SOCS7: variants seen among roughly 807,000 people sequenced by gnomAD.
The protein encoded by SOCS7 is NAP-4.
Under a neutral mutation model 58.9 loss-of-function variants are expected in SOCS7, and 18 were observed. The observed-to-expected ratio is 0.31, with a 90% CI of 0.21 to 0.45. The LOEUF (loss-of-function observed/expected upper bound fraction) is 0.45. Ranked by LOEUF, SOCS7 falls within the 20% of genes least tolerant of loss-of-function variation. The probability of loss-of-function intolerance (pLI) is 1.00; values close to 1 mark genes in which losing one functional copy is unlikely to be tolerated. For synonymous variants in SOCS7, 388 were observed against 364.3 expected (o/e 1.06, Z -0.74); for missense variants, 667 against 837.3 (o/e 0.80, Z 2.51).
chr17:38,365,504 A>C, intron 4 of SOCS7, 95 bp downstream of exon 4: 1 of 752,406 alleles, frequency 1.3e-6, no homozygotes, highest in Non-Finnish European at 2.0e-6. Context: ...TTATGGAAAT[A>C]ACAGCTTAGT....
chr17:38,384,074 C>T (rs1397465245), intron 7 of SOCS7, among the ~76,000 whole-genome samples: 2 of 152,072 alleles, frequency 1.3e-5, no homozygotes. Context: ...CTGCATGACC[C>T]CCTTTAGCAA....
chr17:38,362,173 A>G (rs587699729), intron 2 of SOCS7, among the ~76,000 whole-genome samples: 58 of 152,370 alleles, frequency 3.8e-4, no homozygotes, highest in Non-Finnish European at 7.6e-4. Context: ...CATAAAAATG[A>G]TCCATGATTA....
In SOCS7 at chr17:38,403,348, G is replaced by A. The variant is rs1251934569; in HGVS notation, c.*3866G>A. Reference sequence around the variant, plus strand: ...GTTCCTAGGTCTAGGGGTGAGAGGTGGGAGTAGAACCAGAAGTGCCCTGGA... The same window carrying A: ...GTTCCTAGGTCTAGGGGTGAGAGGTAGGAGTAGAACCAGAAGTGCCCTGGA... On this transcript the variant is annotated 3_prime_UTR_variant, in exon 10 of 10. Transcript: ENST00000612932. 2 of 152,230 alleles carry A rather than the reference G, an allele frequency of 1.3e-5. No homozygotes were observed. The highest frequency in any genetic ancestry group is 2.9e-5 in the Non-Finnish European group (2 of 68,096). The allele number at this position is 152,230 out of a possible 1,614,324, so 9.4% of individuals were successfully genotyped here. A position where few individuals can be genotyped will look rare whatever the true frequency, so the allele number is the denominator to read the frequency against.
chr17:38,381,946 C>CAAAAAAAAAAA (rs55949628), intron 7 of SOCS7, among the ~76,000 whole-genome samples: 1 of 17,668 alleles, frequency 5.7e-5, no homozygotes, highest in African/African-American at 2.0e-4. Flanking sequence ...GACTCTGTCT[C>CAAAAAAAAAAA]AAAAAAAAAA....
intron 7 of SOCS7, among the ~76,000 whole-genome samples, chr17:38,383,283 A>G (rs886252456): frequency 2.6e-5 from 4 of 152,176 alleles, no homozygotes; most frequent in African/African-American, 7.2e-5. Flanking sequence ...TAACTCATGT[A>G]AAATATTTAA....
chr17:38,380,368 C>A (rs541093151), intron 7 of SOCS7, among the ~76,000 whole-genome samples: 1 of 151,988 alleles, frequency 6.6e-6, no homozygotes, highest in Non-Finnish European at 1.5e-5. Flanking sequence ...CGGTGGCTCA[C>A]GCCTGTAATC....
intron 7 of SOCS7, among the ~76,000 whole-genome samples, chr17:38,387,119 ATATATATATGTATG>A (rs1368432675): frequency 1.9e-5 from 2 of 106,700 alleles, no homozygotes; most frequent in African/African-American, 9.2e-5. Flanking sequence ...ATATATATAT[ATATATATATGTATG>A]TATATATATA....
intron 6 of SOCS7, among the ~76,000 whole-genome samples, chr17:38,371,708 A>C (rs1236969369): frequency 6.7e-6 from 1 of 149,128 alleles, no homozygotes; most frequent in Non-Finnish European, 1.5e-5. Flanking sequence ...CTGCCTCCCA[A>C]AGTGCTGGGA....
In SOCS7 at chr17:38,390,640, T is replaced by C. The variant is rs113153732; in HGVS notation, c.1682-4669T>C. Among the ~76,000 whole-genome samples the C allele has an allele frequency of 6.1e-5, 7 of 114,400 alleles. 1 individual carries two copies. The highest frequency in any genetic ancestry group is 3.1e-4 in the South Asian group (1 of 3,184). The allele number at this position is 114,400 out of a possible 152,430, so 75.1% of individuals were successfully genotyped here. On this transcript the variant is annotated intron_variant, in intron 7 of 9. Transcript: ENST00000612932. ...GTTTTATATTTTTTCTTTTGTTCGT[T>C]TTCCTTCCTTCCTTCCTTCCTTCCT...
chr17:38,352,899 C>T lies in SOCS7; in HGVS notation c.847C>T (p.Arg283Cys). Residue 283 changes from arginine to cysteine, a missense_variant, in exon 1 of 10, where the codon CGC becomes TGC. Around this residue, in one of 9 missense-constraint regions of SOCS7, gnomAD observed 208 missense variants for 190.3 expected, o/e 1.09. Transcript: ENST00000612932. The surrounding 1 kb of genome is among the most constrained non-coding windows in gnomAD (Gnocchi z 5.5). ...CAAAATCCGCCTCAGTCGCCTCTTTCGCACCAAGAGCTGCAACGGTGGCTC... is the reference window on the plus strand; with the variant it reads ...CAAAATCCGCCTCAGTCGCCTCTTTTGCACCAAGAGCTGCAACGGTGGCTC... ...SFKIRLSRLF[R>C]TKSCNGGSGG... is the part of the protein sequence containing the mutation. 2.5e-6 allele frequency: 4 copies of T among 1,603,960 alleles called. No homozygotes were observed. Among genetic ancestry groups the T allele is most frequent in the Non-Finnish European group, 3.4e-6 (4 of 1,176,288 alleles).
intron 6 of SOCS7, among the ~76,000 whole-genome samples, chr17:38,368,506 CTTT>C (rs11314039): frequency 6.9e-6 from 1 of 145,748 alleles, no homozygotes. Flanking sequence ...GAATTTCTTT[CTTT>C]TTTTTTTTTT....
chr17:38,391,818 A>G (rs2144397191), intron 7 of SOCS7, among the ~76,000 whole-genome samples: 1 of 152,346 alleles, frequency 6.6e-6, no homozygotes, highest in East Asian at 1.9e-4. Context: ...GAGATCTGGA[A>G]TGTGAAACAG....
At position 38,401,282 on chromosome 17, in the gene SOCS7, T is replaced by G. The variant is rs1356639406; in HGVS notation, c.*1800T>G. The G allele has an allele frequency of 2.0e-5, 3 of 152,152 alleles. No individual in the cohort carries two copies. The highest frequency in any genetic ancestry group is 4.8e-5 in the African/African-American group (2 of 41,424). 9.4% of individuals were successfully genotyped at this position (152,152 alleles called of 1,614,324 possible). Reference sequence around the variant, plus strand: ...TCTTTCCTTGGCTTCCATGGTAGTATTATCAACTAAGCAAGATTGTGATCC... The same window carrying G: ...TCTTTCCTTGGCTTCCATGGTAGTAGTATCAACTAAGCAAGATTGTGATCC... On this transcript the variant is annotated 3_prime_UTR_variant, in exon 10 of 10. Transcript: ENST00000612932.
intron 7 of SOCS7, among the ~76,000 whole-genome samples, chr17:38,385,696 T>C (rs113680583): frequency 0.042 from 6,443 of 152,216 alleles, 469 homozygotes; most frequent in African/African-American, 0.15. Context: ...TTGAAAAAAA[T>C]TTCATGTCTT....
At chr17:38,377,980 T>C in intron 7 of SOCS7, 138 bp downstream of exon 7, 1 of 738,420 alleles carries the variant, frequency 1.4e-6, no homozygotes, top group Non-Finnish European at 2.2e-6. Flanking sequence ...TCTTACAGAG[T>C]CCCATGGTTA....
At chr17:38,386,457 A>G (rs2038069626) in intron 7 of SOCS7, among the ~76,000 whole-genome samples, 1 of 151,578 alleles carries the variant, frequency 6.6e-6, no homozygotes, top group African/African-American at 2.4e-5. Flanking sequence ...GTGAGACTGT[A>G]TCTCAGAAAC....
At chr17:38,391,443 T>A (rs1165066962) in intron 7 of SOCS7, among the ~76,000 whole-genome samples, 1 of 152,174 alleles carries the variant, frequency 6.6e-6, no homozygotes, top group Non-Finnish European at 1.5e-5. Flanking sequence ...CAGGCTGGAG[T>A]GCAGTGGTAC....
intron 7 of SOCS7, among the ~76,000 whole-genome samples, chr17:38,392,563 A>G (rs1288818433): frequency 6.6e-6 from 1 of 152,234 alleles, no homozygotes; most frequent in East Asian, 1.9e-4. Flanking sequence ...CACTTGAGTT[A>G]AATATATTCA....
chr17:38,383,046 C>G (rs1178613488), intron 7 of SOCS7, among the ~76,000 whole-genome samples: 1 of 151,928 alleles, frequency 6.6e-6, no homozygotes, highest in Non-Finnish European at 1.5e-5. Context: ...TCCATATGTC[C>G]CTGGGGGCCA....
Sources: gnomAD v4.1 joint callset for allele counts (sites outside exome capture counted in the v4.1 genomes callset) on GRCh38, gnomAD v4.1.1 for gene constraint, gnomAD v4.1.1 regional missense constraint, Gnocchi (gnomAD v3.1) non-coding constraint, MANE v1.5 for transcripts, NCBI Gene and HGNC (gene_info 2026-07-23, HGNC 2026-07-21) for gene names.